Variants in TXLNG observed in about 807,000 individuals in gnomAD.
The protein encoded by TXLNG is taxilin gamma.
TXLNG carries 5 observed loss-of-function variants against 38.8 expected under a neutral mutation model. The observed-to-expected ratio is 0.13, with a 90% CI of 0.07 to 0.27. The LOEUF is 0.27. Among genes scored for constraint, TXLNG ranks in the 10% least tolerant of loss-of-function variants. The pLI is 1.00. For synonymous variants in TXLNG, 182 were observed against 158.2 expected (o/e 1.15, Z -1.13); for missense variants, 393 against 398.2 (o/e 0.99, Z 0.11).
intron 1 of TXLNG, among the ~76,000 whole-genome samples, chrX:16,805,974 A>T: frequency 8.9e-6 from 1 of 112,476 alleles, no homozygotes; most frequent in Non-Finnish European, 1.9e-5. Flanking sequence ...ACATATTTTA[A>T]AGGCTTTGAT....
chrX:16,806,809 C>T (rs901961456), intron 1 of TXLNG, among the ~76,000 whole-genome samples: 2 of 105,495 alleles, frequency 1.9e-5, no homozygotes, highest in African/African-American at 7.0e-5. Context: ...CCCAGCTACT[C>T]GGGAGGCTGA....
chrX:16,799,887 C>T (rs774162256), intron 1 of TXLNG, among the ~76,000 whole-genome samples: 2 of 112,118 alleles, frequency 1.8e-5, no homozygotes, highest in African/African-American at 6.5e-5. Context: ...CCATTTATCT[C>T]ACATAGTAAA....
chrX:16,828,285 G>T, intron 4 of TXLNG, 21 bp downstream of exon 4: 1 of 1,172,568 alleles, frequency 8.5e-7, no homozygotes, highest in Non-Finnish European at 1.1e-6. Flanking sequence ...TCATTTGTCT[G>T]TTTTTTTCAG....
At chrX:16,789,894 A>G (rs1460530276) in intron 1 of TXLNG, among the ~76,000 whole-genome samples, 1 of 109,437 alleles carries the variant, frequency 9.1e-6, no homozygotes, top group Non-Finnish European at 1.9e-5. Context: ...TCCCGGGTTC[A>G]AGCAATTCTC....
Position 16,841,735 on chromosome X carries a change from G to A in TXLNG, c.1556G>A (p.Gly519Asp). Residue 519 changes from glycine (G) to aspartate (D), a missense_variant, in exon 10 of 10, where the codon GGC becomes GAC. Gly to Asp is a moderately conservative substitution (Grantham distance 94, BLOSUM62 -1). Coordinates refer to ENST00000380122, the MANE Select transcript of TXLNG (RefSeq NM_018360.3). Reference protein sequence around the residue: ...RSAVQKPPSTGSAPAIESVD With the variant: ...RSAVQKPPSTDSAPAIESVD ...GCTGTGCAAAAGCCCCCGTCCACAG[G>A]CTCTGCTCCGGCCATCGAGTCGGTT... 8.3e-7 allele frequency: 1 copy of A among 1,211,161 alleles called. No homozygotes were observed. The highest frequency in any genetic ancestry group is 1.1e-6 in the Non-Finnish European group (1 of 895,259).
Position 16,842,078 on chromosome X carries a change from C to T in TXLNG, c.*312C>T, listed in dbSNP as rs1432776202. ...CTAATGAAAATTTCACTGACAGGGC[C>T]GACCATTACAAGGGAACTTTGTTCT... is the stretch of plus-strand genomic sequence containing the variant. On this transcript the variant is annotated 3_prime_UTR_variant, in exon 10 of 10. Coordinates refer to ENST00000380122, the MANE Select transcript of TXLNG (RefSeq NM_018360.3). 6.3e-5 allele frequency: 13 copies of T among 207,560 alleles called. No individual in the cohort carries two copies. The highest frequency in any genetic ancestry group is 3.9e-4 in the South Asian group (2 of 5,070). The allele number at this position is 207,560 out of a possible 1,213,427, so 17.1% of individuals were successfully genotyped here. A position where few individuals can be genotyped will look rare whatever the true frequency, so the allele number is the denominator to read the frequency against.
rs1470314634 is a variant in TXLNG at position 16,844,490 on chromosome X, AGATT to A, written c.*2725_*2728del. 1.8e-5 allele frequency: 2 copies of A among 111,660 alleles called. No homozygotes were observed. The highest frequency in any genetic ancestry group is 6.5e-5 in the African/African-American group (2 of 30,653). The allele number at this position is 111,660 out of a possible 1,213,427, so 9.2% of individuals were successfully genotyped here. A position where few individuals can be genotyped will look rare whatever the true frequency, so the allele number is the denominator to read the frequency against. ...TGATTTTATCTACTTGATTCTGTAT[AGATT>A]AAGTAAATATGTATGATAAACTTAA... On this transcript the variant is annotated 3_prime_UTR_variant, in exon 10 of 10. Coordinates refer to ENST00000380122, the MANE Select transcript of TXLNG (RefSeq NM_018360.3).
intron 1 of TXLNG, among the ~76,000 whole-genome samples, chrX:16,792,546 C>T (rs1272385126): frequency 9.1e-6 from 1 of 109,957 alleles, no homozygotes; most frequent in Non-Finnish European, 1.9e-5. Context: ...TTTGGGAGGC[C>T]GAGACGGGAG....
chrX:16,841,067 C>CAT (rs1929796065), intron 9 of TXLNG, among the ~76,000 whole-genome samples: 2 of 108,596 alleles, frequency 1.8e-5, no homozygotes, highest in African/African-American at 6.7e-5. Flanking sequence ...TGGTGGGGCG[C>CAT]GCCTGTAGTC....
chrX:16,829,067 G>T (rs1284455166), intron 4 of TXLNG, among the ~76,000 whole-genome samples: 1 of 111,659 alleles, frequency 9.0e-6, no homozygotes, highest in Admixed American at 9.5e-5. Context: ...TTTTGAGTAG[G>T]CTGGTAACAG....
Position 16,786,584 on chromosome X carries a change from CAGA to C in TXLNG, c.100_102del (p.Lys34del). ...GGGCGGACGGCGACGCAGCCCGCGG[CAGA>C]AGGTCAGTCAGGGGGACGCCCTCGT... On this transcript the variant is annotated inframe_deletion and splice_region_variant, in exon 1 of 10. Transcript: ENST00000380122. The C allele has an allele frequency of 9.4e-7, 1 of 1,064,470 alleles. No individual in the cohort carries two copies. Among genetic ancestry groups the C allele is most frequent in the Non-Finnish European group, 1.2e-6 (1 of 828,083 alleles). 87.7% of individuals were successfully genotyped at this position (1,064,470 alleles called of 1,213,427 possible). A position where few individuals can be genotyped will look rare whatever the true frequency, so the allele number is the denominator to read the frequency against.
At chrX:16,791,491 CAG>C (rs1405903397) in intron 1 of TXLNG, among the ~76,000 whole-genome samples, 2 of 112,300 alleles carry the variant, frequency 1.8e-5, no homozygotes, top group Admixed American at 9.5e-5. Context: ...GAGAACAAAC[CAG>C]ATACAGCATA....
intron 1 of TXLNG, among the ~76,000 whole-genome samples, chrX:16,790,116 C>T (rs1184111725): frequency 9.0e-6 from 1 of 110,967 alleles, no homozygotes; most frequent in Non-Finnish European, 1.9e-5. Flanking sequence ...CTATTATTTA[C>T]ATCTTGCATT....
chrX:16,821,136 CTTTCTTT>C lies in TXLNG; in HGVS notation c.498+885_498+891del, dbSNP rs1488202674. On this transcript the variant is annotated intron_variant, in intron 3 of 9. Transcript: ENST00000380122. The stretch of plus-strand genomic sequence containing the variant: ...CTTTTTGGAGTTTCTTTCTTTCTTT[CTTTCTTT>C]TTTTTTTTTTTTTTTGAGACGGAGT... 2.4e-4 allele frequency among the ~76,000 whole-genome samples: 13 copies of C among 54,514 alleles called. No individual in the cohort carries two copies. The East Asian group carries it at 0.011, about 47-fold the overall frequency. 47.3% of individuals were successfully genotyped at this position (54,514 alleles called of 115,157 possible).
In TXLNG at chrX:16,808,513, G is replaced by A. The variant is rs373464546; in HGVS notation, c.103-10061G>A. ...CACCTAACTTAAAAGGTGAAAACAC[G>A]CCTGCTGTGAAAGTCTTGTCCCCAC... On this transcript the variant is annotated intron_variant, in intron 1 of 9. Coordinates refer to ENST00000380122, the MANE Select transcript of TXLNG (RefSeq NM_018360.3). Among the ~76,000 whole-genome samples, 6 of 111,565 alleles carry A rather than the reference G, an allele frequency of 5.4e-5. No individual in the cohort carries two copies. In the South Asian group the frequency reaches 1.5e-3, roughly 28 times the overall value.
At chrX:16,794,760 A>G (rs1927822722) in intron 1 of TXLNG, among the ~76,000 whole-genome samples, 1 of 111,660 alleles carries the variant, frequency 9.0e-6, no homozygotes, top group African/African-American at 3.3e-5. Flanking sequence ...TGGCTTAAAG[A>G]TGCTAGTTGT....
intron 1 of TXLNG, among the ~76,000 whole-genome samples, chrX:16,804,961 A>C (rs1225682431): frequency 4.2e-3 from 49 of 11,597 alleles, no homozygotes; most frequent in South Asian, 0.011. Flanking sequence ...TCCAGTCACC[A>C]CCACTGCCCA....
intron 3 of TXLNG, among the ~76,000 whole-genome samples, chrX:16,823,616 G>A (rs1188471198): frequency 9.0e-6 from 1 of 110,938 alleles, no homozygotes; most frequent in African/African-American, 3.3e-5. Context: ...ATGTCATTGT[G>A]CTTGTTGCAC....
At chrX:16,811,275 A>G (rs1928504426) in intron 1 of TXLNG, among the ~76,000 whole-genome samples, 1 of 112,304 alleles carries the variant, frequency 8.9e-6, no homozygotes, top group Non-Finnish European at 1.9e-5. Context: ...GTGTTTGTGC[A>G]CTATACAGAT....
Sources: allele counts gnomAD v4.1 joint callset (sites outside exome capture counted in the v4.1 genomes callset), GRCh38; gene constraint gnomAD v4.1.1; transcripts MANE v1.5; gene names NCBI Gene and HGNC (gene_info 2026-07-23, HGNC 2026-07-21).